The following DOCK4 variants were observed in gnomAD, a reference collection of about 807,000 sequenced individuals.
The protein encoded by DOCK4 is dedicator of cytokinesis protein 4.
A neutral mutation model predicts 268.1 loss-of-function variants in DOCK4; 97 were observed. The ratio of observed to expected loss-of-function variants is 0.36; its 90% CI spans 0.31 to 0.43. The LOEUF (loss-of-function observed/expected upper bound fraction) is 0.43. Ranked by LOEUF, DOCK4 falls within the 20% of genes least tolerant of loss-of-function variation. DOCK4 has a pLI of 1.00. For missense variants in DOCK4, 2,145 were observed against 2,455.7 expected (o/e 0.87, Z 2.67); for synonymous variants, 954 against 887.2 (o/e 1.08, Z -1.34).
At position 111,955,714 on chromosome 7, in the gene DOCK4, T is replaced by C. The variant is rs534953122; in HGVS notation, c.702-9916A>G. On this transcript the variant is annotated intron_variant, in intron 8 of 52. Transcript: ENST00000428084. Reference sequence around the variant, plus strand: ...TCAATAAAAAAGGAATATAATACTCTTTAAAATTATAAATAATGTTCAGAT... The same window carrying C: ...TCAATAAAAAAGGAATATAATACTCCTTAAAATTATAAATAATGTTCAGAT... 1.1e-3 allele frequency among the ~76,000 whole-genome samples: 164 copies of C among 152,370 alleles called. 1 individual carries two copies. The highest frequency in any genetic ancestry group is 1.8e-3 in the Non-Finnish European group (120 of 68,040).
intron 12 of DOCK4, among the ~76,000 whole-genome samples, chr7:111,929,730 A>G (rs867366066): frequency 0.012 from 1,882 of 152,296 alleles, 45 homozygotes; most frequent in African/African-American, 0.043. Flanking sequence ...CTCCTTATGG[A>G]GTTAAAAAGT....
intron 1 of DOCK4, among the ~76,000 whole-genome samples, chr7:112,095,207 G>A (rs966874789): frequency 1.3e-5 from 2 of 152,120 alleles, no homozygotes; most frequent in African/African-American, 2.4e-5. Context: ...GAGCAAGGAG[G>A]AGTCAAAGAA....
rs757910835 is a variant in DOCK4 at position 111,736,970 on chromosome 7, A to G, written c.5252T>C (p.Ile1751Thr). 4.4e-6 allele frequency: 7 copies of G among 1,604,548 alleles called. No homozygotes were observed. The highest frequency in any genetic ancestry group is 6.0e-6 in the Non-Finnish European group (7 of 1,175,452). ...EPSQRMLFNH[I>T]GDGALPRSDP... is the part of the protein sequence containing the mutation. ...ACTGCGTGGCAAGGCCCCGTCTCCA[A>G]TATGATTAAACAGCATCCTCTGCAA... Residue 1751 changes from isoleucine to threonine, a missense_variant, in exon 50 of 53, where the codon ATT (isoleucine) becomes ACT (threonine). Ile to Thr is a moderately conservative substitution (Grantham distance 89). Transcript: ENST00000428084.
chr7:112,115,673 C>CCATG (rs1406895120), intron 1 of DOCK4, among the ~76,000 whole-genome samples: 1 of 150,780 alleles, frequency 6.6e-6, no homozygotes, highest in African/African-American at 2.5e-5. Context: ...ATCCATCCAT[C>CCATG]ATCTATGTAA....
chr7:111,758,812 G>A (rs1420395485), intron 40 of DOCK4, 22 bp from the exon 41 acceptor site: 9 of 1,612,032 alleles, frequency 5.6e-6, no homozygotes, highest in Non-Finnish European at 7.6e-6. Flanking sequence ...GAGTCAAGGA[G>A]AGAACCTGAC....
chr7:112,196,100 T>C (rs1018027988), intron 1 of DOCK4, among the ~76,000 whole-genome samples: 5 of 152,180 alleles, frequency 3.3e-5, no homozygotes, highest in African/African-American at 7.2e-5. Flanking sequence ...CCCGCTTCCA[T>C]AGAGATGCAA....
chr7:112,122,129 T>A (rs979106768), intron 1 of DOCK4, among the ~76,000 whole-genome samples: 1 of 152,330 alleles, frequency 6.6e-6, no homozygotes, highest in Admixed American at 6.5e-5. Context: ...CCTGTCTTTT[T>A]ATTTTTAATT....
At chr7:112,014,430 C>G (rs763679403) in intron 1 of DOCK4, among the ~76,000 whole-genome samples, 4 of 152,132 alleles carry the variant, frequency 2.6e-5, no homozygotes, top group Non-Finnish European at 5.9e-5. Flanking sequence ...AATTGTTCAG[C>G]AAATACCACA....
At chr7:112,122,782 T>C (rs1249496249) in intron 1 of DOCK4, among the ~76,000 whole-genome samples, 1 of 152,240 alleles carries the variant, frequency 6.6e-6, no homozygotes, top group Non-Finnish European at 1.5e-5. Flanking sequence ...CTTTAATTAA[T>C]TTTAGTATTT....
chr7:112,111,058 G>A (rs1811604543), intron 1 of DOCK4, among the ~76,000 whole-genome samples: 3 of 152,220 alleles, frequency 2.0e-5, no homozygotes, highest in African/African-American at 7.2e-5. Context: ...GAAACAGGGT[G>A]TGATCATTTC....
chr7:112,048,079 G>C (rs1804982427), intron 1 of DOCK4, among the ~76,000 whole-genome samples: 2 of 152,028 alleles, frequency 1.3e-5, no homozygotes, highest in South Asian at 4.2e-4. Context: ...TCCAAATGAG[G>C]GGCAGGGACA....
At chr7:112,003,705 G>A (rs970341295) in intron 2 of DOCK4, among the ~76,000 whole-genome samples, 2 of 152,116 alleles carry the variant, frequency 1.3e-5, no homozygotes, top group African/African-American at 2.4e-5. Flanking sequence ...TGTCTGCTCT[G>A]GGCCTCTGCT....
At chr7:111,872,805 C>T (rs1020132947) in intron 17 of DOCK4, among the ~76,000 whole-genome samples, 5 of 152,192 alleles carry the variant, frequency 3.3e-5, no homozygotes, top group African/African-American at 4.8e-5. Flanking sequence ...GTCCTCAGAT[C>T]GGATGTTGCT....
intron 1 of DOCK4, among the ~76,000 whole-genome samples, chr7:112,047,823 G>A (rs1271103642): frequency 6.6e-6 from 1 of 152,170 alleles, no homozygotes; most frequent in Admixed American, 6.5e-5. Context: ...CATCTGAGTA[G>A]CTAGGACTGC....
At chr7:111,998,532 G>T in intron 3 of DOCK4, 29 bp from the exon 4 acceptor site, 1 of 1,554,014 alleles carries the variant, frequency 6.4e-7, no homozygotes, top group Non-Finnish European at 8.7e-7. Context: ...AGGTTACGAT[G>T]CCGGCTGTTA....
intron 34 of DOCK4, among the ~76,000 whole-genome samples, chr7:111,783,366 C>CTT (rs1798921024): frequency 6.6e-6 from 1 of 152,040 alleles, no homozygotes; most frequent in Admixed American, 6.6e-5. Context: ...GGATTAACTA[C>CTT]TTTAACAGTT....
At chr7:111,879,464 C>A (rs1031434358) in intron 16 of DOCK4, among the ~76,000 whole-genome samples, 1 of 152,106 alleles carries the variant, frequency 6.6e-6, no homozygotes, top group African/African-American at 2.4e-5. Context: ...GGGGCTTTGC[C>A]TTGTACCTTA....
At chr7:112,121,938 A>C (rs748967509) in intron 1 of DOCK4, among the ~76,000 whole-genome samples, 2 of 152,160 alleles carry the variant, frequency 1.3e-5, no homozygotes, top group Non-Finnish European at 2.9e-5. Flanking sequence ...TTCTATATTA[A>C]AATCAATTTC....
At chr7:112,054,479 A>C (rs1349606004) in intron 1 of DOCK4, among the ~76,000 whole-genome samples, 2 of 152,192 alleles carry the variant, frequency 1.3e-5, no homozygotes, top group East Asian at 1.9e-4. Flanking sequence ...AAGACACCAC[A>C]AAAATCATGA....
Sources: gnomAD v4.1 joint callset for allele counts (sites outside exome capture counted in the v4.1 genomes callset) on GRCh38, gnomAD v4.1.1 for gene constraint, MANE v1.5 for transcripts, NCBI Gene and HGNC (gene_info 2026-07-23, HGNC 2026-07-21) for gene names.